The following RBPMS variants were observed in gnomAD, a reference collection of about 807,000 sequenced individuals.
The protein encoded by RBPMS is RNA-binding protein with multiple splicing.
RBPMS carries 7 observed loss-of-function variants against 26.8 expected under a neutral mutation model. The observed-to-expected ratio is 0.26, with a 90% confidence interval of 0.15 to 0.49. The LOEUF is 0.49. Ranked by LOEUF, RBPMS falls within the 20% of genes least tolerant of loss-of-function variation. The pLI is 0.98. For synonymous variants in RBPMS, 96 were observed against 93.3 expected (o/e 1.03, Z -0.17); for missense variants, 186 against 250.0 (o/e 0.74, Z 1.73).
At chr8:30,485,038 A>C (rs1304992920) in intron 4 of RBPMS, among the ~76,000 whole-genome samples, 1 of 152,232 alleles carries the variant, frequency 6.6e-6, no homozygotes, top group East Asian at 1.9e-4. Flanking sequence ...CTCTGTAAGT[A>C]AACCTATATC....
chr8:30,547,321 A>G (rs747676985), intron 6 of RBPMS: 16 of 1,612,998 alleles, frequency 9.9e-6, no homozygotes, highest in Non-Finnish European at 1.4e-5. Flanking sequence ...AGCCCAACAC[A>G]CCTGTCTTTT....
At chr8:30,538,015 T>C (rs1466231393) in intron 5 of RBPMS, among the ~76,000 whole-genome samples, 1 of 152,200 alleles carries the variant, frequency 6.6e-6, no homozygotes, top group Non-Finnish European at 1.5e-5. Flanking sequence ...GGTGTTTACA[T>C]TGGAGTAGAA....
chr8:30,385,748 C>CA (rs1806989120), intron 1 of RBPMS, among the ~76,000 whole-genome samples: 1 of 152,156 alleles, frequency 6.6e-6, no homozygotes, highest in Non-Finnish European at 1.5e-5. Context: ...AGGGGCCGTG[C>CA]AGCTGAGGGG....
chr8:30,449,267 T>C (rs1290715893), intron 1 of RBPMS, among the ~76,000 whole-genome samples: 1 of 152,218 alleles, frequency 6.6e-6, no homozygotes, highest in East Asian at 1.9e-4. Context: ...AACATGATCT[T>C]TTCTGACTTA....
rs71206263 is a variant in RBPMS, at chr8:30,549,805, C to CCT, written c.528+5202_528+5203dup. Among the ~76,000 whole-genome samples, 362 of 110,690 alleles carry CCT rather than the reference C, an allele frequency of 3.3e-3. 2 individuals are homozygous for CCT. Among genetic ancestry groups the CCT allele is most frequent in the South Asian group, 0.026 (90 of 3,408 alleles). The allele number at this position is 110,690 out of a possible 152,430, so 72.6% of individuals were successfully genotyped here. The stretch of plus-strand genomic sequence containing the variant: ...CTCTCTCTCTCTCTCTCCCCTCTCT[C>CCT]CTCTCTCTCTCTCTCTCTCTCTTTT... On this transcript the variant is annotated intron_variant, in intron 6 of 8. Transcript: ENST00000397323.
intron 5 of RBPMS, 94 bp downstream of exon 5, chr8:30,504,530 G>A: frequency 7.8e-7 from 1 of 1,286,570 alleles, no homozygotes; most frequent in Non-Finnish European, 1.1e-6. Context: ...GGAGCTGGCT[G>A]AGTCTTATTT....
chr8:30,411,746 C>T (rs926927458), intron 1 of RBPMS, among the ~76,000 whole-genome samples: 1 of 150,808 alleles, frequency 6.6e-6, no homozygotes, highest in South Asian at 2.1e-4. Context: ...CACTTTGGGA[C>T]GCCAAGGCGG....
At chr8:30,459,314 G>A (rs1274820137) in intron 1 of RBPMS, among the ~76,000 whole-genome samples, 5 of 150,612 alleles carry the variant, frequency 3.3e-5, no homozygotes, top group African/African-American at 2.4e-5. Context: ...TTTAAATAAT[G>A]AGATCTCTGT....
intron 1 of RBPMS, among the ~76,000 whole-genome samples, chr8:30,449,951 TAC>T (rs1214816212): frequency 3.3e-5 from 5 of 152,276 alleles, no homozygotes; most frequent in Non-Finnish European, 7.3e-5. Context: ...TACTTTTAGT[TAC>T]ACTTCAAGTC....
chr8:30,563,606 G>A (rs1052592817), intron 7 of RBPMS, among the ~76,000 whole-genome samples: 1 of 152,172 alleles, frequency 6.6e-6, no homozygotes, highest in Non-Finnish European at 1.5e-5. Flanking sequence ...TCCCCAGATT[G>A]GAGAAGGAAA....
chr8:30,445,559 GT>G, intron 1 of RBPMS, among the ~76,000 whole-genome samples: 1 of 150,256 alleles, frequency 6.7e-6, no homozygotes, highest in South Asian at 2.1e-4. Context: ...TTACATTGGA[GT>G]TTTCATCTTT....
At chr8:30,545,378 G>C (rs918586682) in intron 6 of RBPMS, 2 of 1,145,772 alleles carry the variant, frequency 1.7e-6, no homozygotes, top group African/African-American at 3.3e-5. Context: ...TTTAGTGCAA[G>C]TGGTAGTAAT....
chr8:30,429,279 G>A (rs1450057211), intron 1 of RBPMS, among the ~76,000 whole-genome samples: 1 of 152,132 alleles, frequency 6.6e-6, no homozygotes, highest in East Asian at 1.9e-4. Context: ...CCTCAGAGGG[G>A]ACCTTCTATT....
At chr8:30,562,369 G>T (rs944360814) in intron 7 of RBPMS, among the ~76,000 whole-genome samples, 1 of 151,346 alleles carries the variant, frequency 6.6e-6, no homozygotes, top group East Asian at 1.9e-4. Context: ...TCCCGTGGAT[G>T]AATCATTTGT....
intron 1 of RBPMS, among the ~76,000 whole-genome samples, chr8:30,437,077 C>T (rs1812537374): frequency 6.6e-6 from 1 of 151,776 alleles, no homozygotes; most frequent in Admixed American, 6.6e-5. Flanking sequence ...CGCCCGCCAC[C>T]ATGCCCGCTA....
intron 1 of RBPMS, among the ~76,000 whole-genome samples, chr8:30,440,266 T>C (rs1213424770): frequency 1.3e-5 from 2 of 152,034 alleles, no homozygotes; most frequent in African/African-American, 2.4e-5. Flanking sequence ...TAGTGTTGAG[T>C]ATATTCACAT....
intron 5 of RBPMS, among the ~76,000 whole-genome samples, chr8:30,540,278 C>T (rs1000862882): frequency 1.3e-5 from 2 of 152,018 alleles, no homozygotes; most frequent in African/African-American, 4.8e-5. Flanking sequence ...GTGACTGATC[C>T]CAGACCATGA....
At position 30,504,386 on chromosome 8, in the gene RBPMS, C is replaced by T. The variant is rs1820873627; in HGVS notation, c.347C>T (p.Pro116Leu). 2.5e-6 allele frequency: 4 copies of T among 1,614,064 alleles called. No individual in the cohort carries two copies. Among genetic ancestry groups the T allele is most frequent in the Non-Finnish European group, 3.4e-6 (4 of 1,180,016 alleles). ...AACAAACTCGTAGGGACTCCAAACCCCAGTACTCCTCTGCCCAACACTGTA... is the reference window on the plus strand; with the variant it reads ...AACAAACTCGTAGGGACTCCAAACCTCAGTACTCCTCTGCCCAACACTGTA... ...AKNKLVGTPN[P>L]STPLPNTVPQ... Residue 116 changes from proline to leucine, a missense_variant, in exon 5 of 9, where the codon CCC becomes CTC. Physicochemically the swap from Pro to Leu is moderately conservative, Grantham distance 98. Coordinates refer to ENST00000397323, the MANE Select transcript of RBPMS (RefSeq NM_001008710.3).
At chr8:30,468,850 TAGAG>T (rs1308001491) in intron 1 of RBPMS, among the ~76,000 whole-genome samples, 2 of 152,108 alleles carry the variant, frequency 1.3e-5, no homozygotes, top group African/African-American at 2.4e-5. Flanking sequence ...TATGGGTAGA[TAGAG>T]AGAGAGATGA....
Sources: allele counts gnomAD v4.1 joint callset (sites outside exome capture counted in the v4.1 genomes callset), GRCh38; gene constraint gnomAD v4.1.1; transcripts MANE v1.5; gene names NCBI Gene and HGNC (gene_info 2026-07-23, HGNC 2026-07-21).